ANO6: variants seen among roughly 807,000 people sequenced by gnomAD.
ANO6 encodes anoctamin 6.
A neutral mutation model predicts 117.5 loss-of-function variants in ANO6; 106 were observed. That is an observed-to-expected ratio of 0.90 (90% CI 0.77 to 1.06). ANO6 has a LOEUF of 1.06. Ranked by LOEUF, ANO6 falls within the 50% of genes least tolerant of loss-of-function variation. The pLI is 0.00. For missense variants in ANO6, 955 were observed against 1,121.1 expected, an observed-to-expected ratio of 0.85 and a Z score of 2.12; for synonymous variants, 367 against 385.1, an observed-to-expected ratio of 0.95 and a Z score of 0.55.
At chr12:45,272,465 G>A (rs1374690268) in intron 1 of ANO6, among the ~76,000 whole-genome samples, 1 of 152,070 alleles carries the variant, frequency 6.6e-6, no homozygotes, top group Non-Finnish European at 1.5e-5. Context: ...CTAGAGAGAG[G>A]AGCCAAAATT....
chr12:45,257,463 T>C (rs535196132), intron 1 of ANO6, among the ~76,000 whole-genome samples: 1 of 152,316 alleles, frequency 6.6e-6, no homozygotes, highest in South Asian at 2.1e-4. Flanking sequence ...GAACTTGTTA[T>C]TTCCTCCCCC....
intron 10 of ANO6, among the ~76,000 whole-genome samples, chr12:45,383,733 C>A (rs1942225384): frequency 6.6e-6 from 1 of 152,186 alleles, no homozygotes; most frequent in Non-Finnish European, 1.5e-5. Flanking sequence ...TAATTCAACA[C>A]ACCATGTTAT....
intron 1 of ANO6, chr12:45,228,120 GTTGTT>G (rs1565631913): frequency 6.1e-6 from 2 of 330,028 alleles, no homozygotes; most frequent in East Asian, 1.2e-4. Flanking sequence ...GGCTTTTTGT[GTTGTT>G]TTTTTTTTTT....
chr12:45,396,240 C>G (rs961631165), intron 12 of ANO6, among the ~76,000 whole-genome samples: 4 of 152,084 alleles, frequency 2.6e-5, no homozygotes, highest in African/African-American at 9.7e-5. Flanking sequence ...CTCCCATTCA[C>G]AATTGCTACA....
At position 45,403,483 on chromosome 12, in the gene ANO6, A is replaced by G; in HGVS notation, c.1827A>G (p.Thr609=). 1 of 1,614,004 alleles carries G rather than the reference A, an allele frequency of 6.2e-7. No individual in the cohort carries two copies. The highest frequency in any genetic ancestry group is 8.5e-7 in the Non-Finnish European group (1 of 1,179,864). ...GCLLELTTQL[T]IIMGGKAIWN... is the part of the protein sequence containing the mutation. ...TTCTTGAACTGACAACTCAGCTGAC[A>G]ATAATCATGGGAGGAAAAGCAATCT... is the stretch of plus-strand genomic sequence containing the variant. The change falls in exon 15 of 20, where the codon ACA becomes ACG. Residue 609 remains threonine, a synonymous_variant. Coordinates refer to ENST00000320560, the MANE Select transcript of ANO6 (RefSeq NM_001025356.3).
intron 1 of ANO6, among the ~76,000 whole-genome samples, chr12:45,293,911 G>A (rs1201222162): frequency 6.6e-6 from 1 of 151,840 alleles, no homozygotes; most frequent in Non-Finnish European, 1.5e-5. Flanking sequence ...AGCCAATAAT[G>A]CAATGATTTT....
intron 1 of ANO6, among the ~76,000 whole-genome samples, chr12:45,263,009 G>T (rs1938092406): frequency 6.6e-6 from 1 of 151,972 alleles, no homozygotes; most frequent in Non-Finnish European, 1.5e-5. Context: ...CATGTAGGAG[G>T]GGAACTTAAC....
chr12:45,263,113 G>T (rs1443379365), intron 1 of ANO6, among the ~76,000 whole-genome samples: 1 of 152,008 alleles, frequency 6.6e-6, no homozygotes, highest in Non-Finnish European at 1.5e-5. Context: ...AGAGAGATTT[G>T]TAGGTATAAA....
At chr12:45,370,621 T>C (rs1253596745) in intron 9 of ANO6, among the ~76,000 whole-genome samples, 1 of 152,226 alleles carries the variant, frequency 6.6e-6, no homozygotes, top group African/African-American at 2.4e-5. Flanking sequence ...TATTACAACA[T>C]GCAGAACTGT....
intron 3 of ANO6, among the ~76,000 whole-genome samples, chr12:45,346,084 T>C (rs1012925877): frequency 1.7e-4 from 26 of 152,216 alleles, no homozygotes; most frequent in African/African-American, 6.0e-4. Context: ...ATTTGTTAAG[T>C]CTGCCCTTGT....
rs1293483236 is a variant in ANO6, at chr12:45,253,855, G to GTAA, written c.70+37469_70+37471dup. ...GCAAAAGCTCCTCAGAACTCTCCATGTAATAATTCACCATTCATCAGGAAA... is the reference window on the plus strand; with the variant it reads ...GCAAAAGCTCCTCAGAACTCTCCATGTAATAATAATTCACCATTCATCAGGAAA... On this transcript the variant is annotated intron_variant, in intron 1 of 19. Coordinates refer to ENST00000320560, the MANE Select transcript of ANO6 (RefSeq NM_001025356.3). Among the ~76,000 whole-genome samples the GTAA allele has an allele frequency of 3.3e-5, 5 of 152,314 alleles. No individual in the cohort carries two copies. In the East Asian group the frequency reaches 9.6e-4, roughly 29 times the overall value.
chr12:45,422,561 T>A (rs1032320957), intron 18 of ANO6, among the ~76,000 whole-genome samples: 2 of 151,598 alleles, frequency 1.3e-5, no homozygotes, highest in Non-Finnish European at 2.9e-5. Context: ...TAAAAGAGCA[T>A]TGAATCAAAT....
At chr12:45,281,134 G>T (rs897556610) in intron 1 of ANO6, among the ~76,000 whole-genome samples, 5 of 151,986 alleles carry the variant, frequency 3.3e-5, no homozygotes, top group African/African-American at 1.2e-4. Context: ...CACAAAAAAT[G>T]AACAAAAATA....
rs1346653380 is a variant in ANO6, at chr12:45,317,137, T to A, written c.151-14158T>A. 5.5e-4 allele frequency among the ~76,000 whole-genome samples: 13 copies of A among 23,760 alleles called. 3 individuals are homozygous for A. In the South Asian group the frequency reaches 0.012, roughly 21 times the overall value. The allele number at this position is 23,760 out of a possible 152,430, so 15.6% of individuals were successfully genotyped here. On this transcript the variant is annotated intron_variant, in intron 2 of 19. Transcript: ENST00000320560. ...TGTATATATATATATATATATTTAT[T>A]ATACTTTAAGTTCCAGGGTACATGT... is the stretch of plus-strand genomic sequence containing the variant.
At chr12:45,357,171 G>A in intron 7 of ANO6, 119 bp from the exon 8 acceptor site, 1 of 1,149,586 alleles carries the variant, frequency 8.7e-7, no homozygotes, top group Non-Finnish European at 1.3e-6. Context: ...TTTTAAGGGT[G>A]AATTGAGTCA....
intron 1 of ANO6, among the ~76,000 whole-genome samples, chr12:45,260,791 TA>T (rs764331561): frequency 1.4e-4 from 22 of 152,136 alleles, no homozygotes; most frequent in Middle Eastern, 3.4e-3. Context: ...TATTTTTATT[TA>T]TTTTTTTTTA....
Position 45,431,375 on chromosome 12 carries a change from T to C in ANO6, c.*2064T>C. The C allele has an allele frequency of 1.0e-6, 1 of 985,422 alleles. No individual in the cohort carries two copies. Among genetic ancestry groups the C allele is most frequent in the Non-Finnish European group, 1.2e-6 (1 of 829,934 alleles). 61.0% of individuals were successfully genotyped at this position (985,422 alleles called of 1,614,324 possible). On this transcript the variant is annotated 3_prime_UTR_variant, in exon 20 of 20. Transcript: ENST00000320560. Reference sequence around the variant, plus strand: ...TGTGACTATCTCCTAGTGTTTAAATTTGGCAGTTACTCGCCATGTATGTCA... The same window carrying C: ...TGTGACTATCTCCTAGTGTTTAAATCTGGCAGTTACTCGCCATGTATGTCA...
chr12:45,276,149 A>G (rs1938547733), intron 1 of ANO6, among the ~76,000 whole-genome samples: 1 of 152,048 alleles, frequency 6.6e-6, no homozygotes, highest in Non-Finnish European at 1.5e-5. Context: ...CCTGTATATC[A>G]TCCTTGGTTT....
rs535675736 is a variant in ANO6, at chr12:45,280,482, T to G, written c.71-21532T>G. ...AGCACAGAATCTCCATCAGGCAAGGTGTAGGAATCATTTTGCATAGTTCTC... is the reference window on the plus strand; with the variant it reads ...AGCACAGAATCTCCATCAGGCAAGGGGTAGGAATCATTTTGCATAGTTCTC... On this transcript the variant is annotated intron_variant, in intron 1 of 19. Coordinates refer to ENST00000320560, the MANE Select transcript of ANO6 (RefSeq NM_001025356.3). Among the ~76,000 whole-genome samples, 49 of 152,338 alleles carry G rather than the reference T, an allele frequency of 3.2e-4. 1 individual carries two copies. Among genetic ancestry groups the G allele is most frequent in the African/African-American group, 9.6e-4 (40 of 41,582 alleles).
Sources: gnomAD v4.1 joint callset for allele counts (sites outside exome capture counted in the v4.1 genomes callset) on GRCh38, gnomAD v4.1.1 for gene constraint, MANE v1.5 for transcripts, NCBI Gene and HGNC (gene_info 2026-07-23, HGNC 2026-07-21) for gene names.